The following SSH2 variants were observed in gnomAD, a reference collection of about 807,000 sequenced individuals.
SSH2 encodes the protein slingshot protein phosphatase 2.
Under a neutral mutation model 135.2 loss-of-function variants are expected in SSH2, and 37 were observed. The observed-to-expected ratio is 0.27, with a 90% confidence interval of 0.21 to 0.36. SSH2 has a LOEUF of 0.36. SSH2 is among the 10% of genes least tolerant of loss of function. The pLI, the probability that SSH2 is intolerant of heterozygous loss-of-function variation, is 1.00. For synonymous variants in SSH2, 628 were observed against 646.2 expected, an observed-to-expected ratio of 0.97 and a Z score of 0.43; for missense variants, 1,408 against 1,765.3, an observed-to-expected ratio of 0.80 and a Z score of 3.63.
intron 1 of SSH2, among the ~76,000 whole-genome samples, chr17:29,919,307 C>A (rs1308172841): frequency 6.6e-6 from 1 of 152,190 alleles, no homozygotes; most frequent in Non-Finnish European, 1.5e-5. Flanking sequence ...TTATCTCTCC[C>A]CATCTGTTTC....
chr17:29,858,138 T>C (rs1024773421), intron 1 of SSH2, among the ~76,000 whole-genome samples: 6 of 152,226 alleles, frequency 3.9e-5, no homozygotes, highest in African/African-American at 1.4e-4. Context: ...AGACATTCAT[T>C]TCATTGTTTC....
chr17:29,764,376 T>C (rs553470890), intron 3 of SSH2, among the ~76,000 whole-genome samples: 2 of 152,268 alleles, frequency 1.3e-5, no homozygotes, highest in Non-Finnish European at 2.9e-5. Flanking sequence ...TTGCACAGTG[T>C]GCAGAGTGTC....
At position 29,631,994 on chromosome 17, in the gene SSH2, C is replaced by CCTT. The variant is rs1329079495; in HGVS notation, c.3197_3199dup (p.Gln1066_Gly1067insGlu). ...TTTTTCCATGTTCACTTTCCTCAGC[C>CCTT]CTTGCTCTCCGCTCTTCTCACTGGT... On this transcript the variant is annotated inframe_insertion, in exon 16 of 16. Coordinates refer to ENST00000540801, the MANE Select transcript of SSH2 (RefSeq NM_001282129.2). The CCTT allele has an allele frequency of 9.9e-6, 16 of 1,614,076 alleles. No individual in the cohort carries two copies. Among genetic ancestry groups the CCTT allele is most frequent in the Non-Finnish European group, 1.4e-5 (16 of 1,180,036 alleles).
intron 15 of SSH2, among the ~76,000 whole-genome samples, chr17:29,633,406 G>C (rs2035772060): frequency 6.6e-6 from 1 of 152,136 alleles, no homozygotes. Flanking sequence ...ATATGTCCCA[G>C]TGATAGAGCA....
At chr17:29,646,636 A>G (rs890726629) in intron 14 of SSH2, among the ~76,000 whole-genome samples, 3 of 151,898 alleles carry the variant, frequency 2.0e-5, no homozygotes, top group African/African-American at 7.3e-5. Context: ...AATAGCTGGG[A>G]CTACAGGTGC....
intron 1 of SSH2, among the ~76,000 whole-genome samples, chr17:29,855,453 C>T (rs963983076): frequency 4.6e-5 from 7 of 152,034 alleles, no homozygotes; most frequent in Non-Finnish European, 7.4e-5. Context: ...TGCAGTGAGC[C>T]GAGATCACGC....
intron 11 of SSH2, among the ~76,000 whole-genome samples, chr17:29,656,357 T>C (rs2036779987): frequency 1.3e-5 from 2 of 152,068 alleles, no homozygotes; most frequent in Admixed American, 1.3e-4. Flanking sequence ...TTGTATTTTT[T>C]AGTAGAGGCA....
intron 3 of SSH2, among the ~76,000 whole-genome samples, chr17:29,783,661 A>G (rs2151291998): frequency 6.6e-6 from 1 of 152,256 alleles, no homozygotes; most frequent in African/African-American, 2.4e-5. Flanking sequence ...CCCAGGATCA[A>G]TACTTTGTAG....
intron 3 of SSH2, among the ~76,000 whole-genome samples, chr17:29,753,033 T>A (rs371253521): frequency 2.0e-5 from 3 of 152,308 alleles, no homozygotes; most frequent in East Asian, 3.9e-4. Context: ...GAGGATAATA[T>A]CTAACTCATA....
intron 1 of SSH2, among the ~76,000 whole-genome samples, chr17:29,858,465 G>A (rs931725649): frequency 4.6e-5 from 7 of 152,124 alleles, no homozygotes; most frequent in South Asian, 4.1e-4. Context: ...ATTTGGAAAC[G>A]GAGCCTTTAA....
At chr17:29,695,382 G>T in intron 5 of SSH2, 77 bp downstream of exon 5, 2 of 1,127,412 alleles carry the variant, frequency 1.8e-6, no homozygotes, top group Non-Finnish European at 2.6e-6. Flanking sequence ...GTGTTGGGAT[G>T]TAAAAATGAC....
At chr17:29,638,896 TATAATC>T (rs1429344022) in intron 14 of SSH2, among the ~76,000 whole-genome samples, 1 of 152,032 alleles carries the variant, frequency 6.6e-6, no homozygotes, top group African/African-American at 2.4e-5. Flanking sequence ...GTTTAAAAAT[TATAATC>T]AGAAAAAAAC....
intron 11 of SSH2, 28 bp downstream of exon 11, chr17:29,666,839 C>T (rs777413691): frequency 1.9e-6 from 3 of 1,612,606 alleles, no homozygotes; most frequent in East Asian, 2.2e-5. Context: ...AGCGTTAGCA[C>T]ACCACTTAAA....
chr17:29,689,273 G>T (rs771846984), intron 5 of SSH2, among the ~76,000 whole-genome samples: 1 of 152,054 alleles, frequency 6.6e-6, no homozygotes, highest in African/African-American at 2.4e-5. Flanking sequence ...GGTTTATTTC[G>T]TATTCCTCTG....
chr17:29,661,113 T>C (rs77955990), intron 11 of SSH2, among the ~76,000 whole-genome samples: 5,079 of 149,914 alleles, frequency 0.034, 126 homozygotes, highest in African/African-American at 0.063. Context: ...CTCTATTTCC[T>C]CATTTCCCAC....
At chr17:29,735,130 C>G (rs1190460601) in intron 3 of SSH2, among the ~76,000 whole-genome samples, 1 of 152,076 alleles carries the variant, frequency 6.6e-6, no homozygotes, top group Non-Finnish European at 1.5e-5. Flanking sequence ...TATATAGGCC[C>G]ACATTTGCAT....
intron 5 of SSH2, among the ~76,000 whole-genome samples, chr17:29,694,102 A>G (rs778685098): frequency 1.3e-5 from 2 of 151,932 alleles, no homozygotes; most frequent in Non-Finnish European, 2.9e-5. Flanking sequence ...TTTTTTTTTT[A>G]AGCTCATCAG....
chr17:29,859,422 A>G (rs1171121329), intron 1 of SSH2, among the ~76,000 whole-genome samples: 1 of 151,800 alleles, frequency 6.6e-6, no homozygotes, highest in East Asian at 1.9e-4. Flanking sequence ...CTCATTAGTT[A>G]TTTTTCCTGA....
Position 29,632,918 on chromosome 17 carries a change from A to G in SSH2, c.2276T>C (p.Leu759Pro), listed in dbSNP as rs201028213. Residue 759 changes from leucine (L) to proline (P), a missense_variant, in exon 16 of 16, where the codon CTG becomes CCG. Around this residue, in one of 3 missense-constraint regions of SSH2, gnomAD observed 1,080 missense variants for 1,144.5 expected, o/e 0.94. Transcript: ENST00000540801. ...CTGCATGAAGATGTCTGGGCTGACC[A>G]GTTCTGAAATTGCCTAAGAAGAGAA... is the stretch of plus-strand genomic sequence containing the variant. ...DEEQSKAISE[L>P]VSPDIFMQSH... The G allele has an allele frequency of 5.0e-6, 8 of 1,602,518 alleles. No homozygotes were observed. The highest frequency in any genetic ancestry group is 6.8e-6 in the Non-Finnish European group (8 of 1,173,910).
Sources: allele counts gnomAD v4.1 joint callset (sites outside exome capture counted in the v4.1 genomes callset), GRCh38; gene constraint gnomAD v4.1.1; regional missense constraint gnomAD v4.1.1; transcripts MANE v1.5; gene names NCBI Gene and HGNC (gene_info 2026-07-23, HGNC 2026-07-21).